Variants in EXOC2 observed in about 807,000 individuals in gnomAD.
EXOC2 encodes the protein SEC5-like 1.
Under a neutral mutation model 131.8 loss-of-function variants are expected in EXOC2, and 70 were observed. That is an observed-to-expected ratio of 0.53 (90% CI 0.44 to 0.65). The LOEUF (loss-of-function observed/expected upper bound fraction) is 0.65. Among genes scored for constraint, EXOC2 ranks in the 30% least tolerant of loss-of-function variants. EXOC2 has a pLI of 0.00. For missense variants in EXOC2, 923 were observed against 1,108.6 expected, an observed-to-expected ratio of 0.83 and a Z score of 2.38; for synonymous variants, 411 against 398.4, an observed-to-expected ratio of 1.03 and a Z score of -0.38.
chr6:501,982 A>G (rs988968424), intron 23 of EXOC2, among the ~76,000 whole-genome samples: 1 of 152,062 alleles, frequency 6.6e-6, no homozygotes, highest in African/African-American at 2.4e-5. Flanking sequence ...GAGGAAAGCC[A>G]CACCCCCCGG....
intron 1 of EXOC2, among the ~76,000 whole-genome samples, chr6:692,533 T>C (rs1161261411): frequency 2.6e-5 from 4 of 152,266 alleles, no homozygotes; most frequent in Admixed American, 2.6e-4. Flanking sequence ...ATCAAGTACG[T>C]GCACGCAAAC....
At chr6:616,970 C>T (rs1761047360) in intron 6 of EXOC2, among the ~76,000 whole-genome samples, 2 of 152,068 alleles carry the variant, frequency 1.3e-5, no homozygotes, top group South Asian at 4.2e-4. Context: ...AATGTCTATA[C>T]TTTAGGAATA....
At chr6:489,067 G>A in intron 26 of EXOC2, 29 bp from the exon 27 acceptor site, 1 of 1,612,536 alleles carries the variant, frequency 6.2e-7, no homozygotes, top group Non-Finnish European at 8.5e-7. Flanking sequence ...CACTGAAGTT[G>A]AAGCCTTGCA....
intron 1 of EXOC2, among the ~76,000 whole-genome samples, chr6:687,692 TGAA>T (rs1414209193): frequency 6.6e-6 from 1 of 152,188 alleles, no homozygotes; most frequent in Admixed American, 6.5e-5. Context: ...GGCATTACCC[TGAA>T]GAAATGACAG....
At chr6:613,433 T>C (rs886924658) in intron 6 of EXOC2, among the ~76,000 whole-genome samples, 1 of 151,402 alleles carries the variant, frequency 6.6e-6, no homozygotes, top group African/African-American at 2.4e-5. Flanking sequence ...AGAATGCAGA[T>C]GATGTAAAAA....
At position 501,204 on chromosome 6, in the gene EXOC2, A is replaced by C. The variant is rs867089776; in HGVS notation, c.2381-1504T>G. ...TATATTATATATATCTATATATATT[A>C]TATATATATTATATATATCTATATA... On this transcript the variant is annotated intron_variant, in intron 23 of 27. Transcript: ENST00000230449. 5.5e-3 allele frequency among the ~76,000 whole-genome samples: 98 copies of C among 17,776 alleles called. 11 individuals are homozygous for C. Among genetic ancestry groups the C allele is most frequent in the Middle Eastern group, 0.11 (2 of 18 alleles). 11.7% of individuals were successfully genotyped at this position (17,776 alleles called of 152,430 possible).
rs543127672 is a variant in EXOC2 at position 614,612 on chromosome 6, T to C, written c.661+3099A>G. ...TAATCTTGGGGACTACTTATAAATA[T>C]ATTATCATCAAGAGAATCTAAACCA... On this transcript the variant is annotated intron_variant, in intron 6 of 27. Transcript: ENST00000230449. Among the ~76,000 whole-genome samples the C allele has an allele frequency of 4.6e-4, 70 of 152,262 alleles. 3 individuals carry two copies. The South Asian group carries it at 0.014, about 31-fold the overall frequency.
chr6:609,207 G>A lies in EXOC2; in HGVS notation c.742+891C>T, dbSNP rs958028233. Among the ~76,000 whole-genome samples, 7 of 152,280 alleles carry A rather than the reference G, an allele frequency of 4.6e-5. No individual in the cohort carries two copies. The East Asian group carries it at 9.6e-4, about 21-fold the overall frequency. On this transcript the variant is annotated intron_variant, in intron 7 of 27. Coordinates refer to ENST00000230449, the MANE Select transcript of EXOC2 (RefSeq NM_018303.6). ...CAGGCTCAGAACGTTCCACCCACGG[G>A]ACTCACTTAAGCCGGAAGGGCAAAA...
At chr6:657,939 ACT>A (rs1763215122) in intron 1 of EXOC2, among the ~76,000 whole-genome samples, 2 of 152,126 alleles carry the variant, frequency 1.3e-5, no homozygotes. Context: ...GACTTTTCAC[ACT>A]GTTTTTGGTA....
chr6:516,231 T>A (rs968570473), intron 23 of EXOC2, among the ~76,000 whole-genome samples: 11 of 152,198 alleles, frequency 7.2e-5, no homozygotes, highest in African/African-American at 2.4e-4. Context: ...GCAGGCCATC[T>A]TTGCTCCTGA....
intron 1 of EXOC2, among the ~76,000 whole-genome samples, chr6:653,586 C>T (rs1302153513): frequency 6.6e-6 from 1 of 152,148 alleles, no homozygotes; most frequent in African/African-American, 2.4e-5. Context: ...GAAGAAAAGG[C>T]TGTAGTTAGA....
At chr6:544,389 T>C (rs1301785833) in intron 22 of EXOC2, among the ~76,000 whole-genome samples, 2 of 152,120 alleles carry the variant, frequency 1.3e-5, no homozygotes, top group African/African-American at 4.8e-5. Context: ...AACAAGAAAC[T>C]CAAGGCAGCC....
chr6:559,593 G>C (rs1757595903), intron 17 of EXOC2, among the ~76,000 whole-genome samples: 1 of 152,182 alleles, frequency 6.6e-6, no homozygotes, highest in South Asian at 2.1e-4. Flanking sequence ...TATGTGGCTT[G>C]TGTGAGAGAT....
At chr6:632,567 A>G (rs1761908786) in intron 3 of EXOC2, among the ~76,000 whole-genome samples, 1 of 152,234 alleles carries the variant, frequency 6.6e-6, no homozygotes, top group South Asian at 2.1e-4. Context: ...ATTTAGATAT[A>G]TTATTACTAA....
chr6:590,141 G>A (rs1759461070), intron 11 of EXOC2, among the ~76,000 whole-genome samples: 1 of 150,652 alleles, frequency 6.6e-6, no homozygotes, highest in African/African-American at 2.4e-5. Flanking sequence ...ATCCCCAGTG[G>A]ACTCTGATGG....
intron 9 of EXOC2, 117 bp downstream of exon 9, chr6:598,741 TAA>T (rs2127640588): frequency 1.3e-6 from 1 of 744,344 alleles, no homozygotes; most frequent in African/African-American, 1.8e-5. Flanking sequence ...CTTTACATTG[TAA>T]AGAGAGCCTC....
intron 22 of EXOC2, among the ~76,000 whole-genome samples, chr6:545,153 CAAAAAAAAAAAA>C: frequency 1.2e-5 from 1 of 85,494 alleles, no homozygotes; most frequent in East Asian, 3.6e-4. Context: ...GACTCCGTCT[CAAAAAAAAAAAA>C]AAAAAAAAAA....
At chr6:657,092 G>A (rs997833807) in intron 1 of EXOC2, 7 of 631,224 alleles carry the variant, frequency 1.1e-5, no homozygotes, top group African/African-American at 9.6e-5. Flanking sequence ...GGTTGCGGTT[G>A]CGGGTTCTGT....
chr6:642,504 A>G (rs1038042187), intron 1 of EXOC2, among the ~76,000 whole-genome samples: 6 of 152,190 alleles, frequency 3.9e-5, no homozygotes, highest in African/African-American at 1.4e-4. Flanking sequence ...TAGGAAAAAC[A>G]CTTGGATTTT....
Sources: allele counts gnomAD v4.1 joint callset (sites outside exome capture counted in the v4.1 genomes callset), GRCh38; gene constraint gnomAD v4.1.1; transcripts MANE v1.5; gene names NCBI Gene and HGNC (gene_info 2026-07-23, HGNC 2026-07-21).